Variants in FRMD4A observed in about 807,000 individuals in gnomAD.
The protein encoded by FRMD4A is FERM domain-containing protein 4A.
A neutral mutation model predicts 129.1 loss-of-function variants in FRMD4A; 29 were observed. That is an observed-to-expected ratio of 0.22 (90% CI 0.17 to 0.31). The LOEUF is 0.31. Ranked by LOEUF, FRMD4A falls within the 10% of genes least tolerant of loss-of-function variation. The pLI, the probability that FRMD4A is intolerant of heterozygous loss-of-function variation, is 1.00. For synonymous variants in FRMD4A, 634 were observed against 571.6 expected, an observed-to-expected ratio of 1.11 and a Z score of -1.56; for missense variants, 1,272 against 1,375.8, an observed-to-expected ratio of 0.92 and a Z score of 1.19.
intron 15 of FRMD4A, chr10:13,675,885 A>G (rs1460528101): frequency 1.3e-5 from 2 of 152,092 alleles, no homozygotes; most frequent in African/African-American, 4.8e-5. Flanking sequence ...TTTTCTAAGT[A>G]CATATATTTA....
At chr10:14,043,209 T>C (rs1232614161) in intron 2 of FRMD4A, among the ~76,000 whole-genome samples, 1 of 152,198 alleles carries the variant, frequency 6.6e-6, no homozygotes, top group Admixed American at 6.5e-5. Flanking sequence ...CATTTAACAT[T>C]AAAGTTGCTG....
intron 2 of FRMD4A, among the ~76,000 whole-genome samples, chr10:13,865,504 G>C (rs917527332): frequency 2.7e-5 from 4 of 146,554 alleles, no homozygotes; most frequent in Non-Finnish European, 3.0e-5. Context: ...AGGCTGGAGT[G>C]CGTTGGTGCT....
At chr10:13,807,988 G>A (rs1214617016) in intron 4 of FRMD4A, among the ~76,000 whole-genome samples, 2 of 151,884 alleles carry the variant, frequency 1.3e-5, no homozygotes, top group Middle Eastern at 3.2e-3. Flanking sequence ...TAGTAGAGAC[G>A]GGGTTTCACC....
rs148650568 is a variant in FRMD4A at position 14,076,088 on chromosome 10, G to T, written c.46-217176C>A. Among the ~76,000 whole-genome samples, 450 of 152,216 alleles carry T rather than the reference G, an allele frequency of 3.0e-3. 2 individuals are homozygous for T. Among genetic ancestry groups the T allele is most frequent in the Non-Finnish European group, 4.2e-3 (286 of 68,010 alleles). On this transcript the variant is annotated intron_variant, in intron 2 of 24. Transcript: ENST00000357447. ...CTCACCTGGGCCTCTGAATAACCGG[G>T]TTTCATTACTACAAGGCTGGCTCAC...
intron 2 of FRMD4A, among the ~76,000 whole-genome samples, chr10:14,067,709 C>T (rs190468884): frequency 1.2e-4 from 19 of 152,222 alleles, no homozygotes; most frequent in Admixed American, 1.2e-3. Flanking sequence ...CCCAGCTACT[C>T]GGGAGGCTGA....
At chr10:14,270,726 A>T (rs1027898919) in intron 2 of FRMD4A, among the ~76,000 whole-genome samples, 5 of 152,236 alleles carry the variant, frequency 3.3e-5, no homozygotes, top group Non-Finnish European at 7.3e-5. Flanking sequence ...GTGAAACAAC[A>T]TAAAACAGAA....
intron 2 of FRMD4A, among the ~76,000 whole-genome samples, chr10:14,193,687 TAA>T (rs11431301): frequency 7.0e-6 from 1 of 143,396 alleles, no homozygotes. Flanking sequence ...GTCTACAAAT[TAA>T]AAAAAAAAAA....
At chr10:13,975,137 G>C (rs957822716) in intron 2 of FRMD4A, among the ~76,000 whole-genome samples, 1 of 151,648 alleles carries the variant, frequency 6.6e-6, no homozygotes, top group African/African-American at 2.4e-5. Context: ...GTATGTACCT[G>C]TGTGTGTGTG....
At position 14,085,748 on chromosome 10, in the gene FRMD4A, C is replaced by T. The variant is rs536647987; in HGVS notation, c.46-226836G>A. Among the ~76,000 whole-genome samples, 52 of 152,290 alleles carry T rather than the reference C, an allele frequency of 3.4e-4. 1 individual carries two copies. Among genetic ancestry groups the T allele is most frequent in the South Asian group, 2.9e-3 (14 of 4,824 alleles). On this transcript the variant is annotated intron_variant, in intron 2 of 24. Coordinates refer to ENST00000357447, the MANE Select transcript of FRMD4A (RefSeq NM_018027.5). Reference sequence around the variant, plus strand: ...CCTCTCTGTGAAACTGGTGGAGTCACGATTTTGGGGCTGGACCATCTGCCT... The same window carrying T: ...CCTCTCTGTGAAACTGGTGGAGTCATGATTTTGGGGCTGGACCATCTGCCT...
At chr10:14,065,340 T>C (rs1448990612) in intron 2 of FRMD4A, among the ~76,000 whole-genome samples, 1 of 152,100 alleles carries the variant, frequency 6.6e-6, no homozygotes, top group African/African-American at 2.4e-5. Context: ...TTCGCCACCA[T>C]ACCTGGATAA....
intron 2 of FRMD4A, among the ~76,000 whole-genome samples, chr10:14,044,106 G>A (rs72776636): frequency 0.012 from 1,901 of 152,314 alleles, 21 homozygotes; most frequent in East Asian, 0.045. Flanking sequence ...TGGGATTACA[G>A]GTATGAACCA....
rs1284600753 is a variant in FRMD4A, at chr10:13,644,486, ATGTTT to A, written c.*2547_*2551del. 1 of 152,192 alleles carries A rather than the reference ATGTTT, an allele frequency of 6.6e-6. No homozygotes were observed. The highest frequency in any genetic ancestry group is 1.5e-5 in the Non-Finnish European group (1 of 68,036). The allele number at this position is 152,192 out of a possible 1,614,324, so 9.4% of individuals were successfully genotyped here. A position where few individuals can be genotyped will look rare whatever the true frequency, so the allele number is the denominator to read the frequency against. ...CTGTCTTGACTACCAGACTATCATG[ATGTTT>A]GTTGGAACTGTAATTCCTGCTCTCC... is the stretch of plus-strand genomic sequence containing the variant. On this transcript the variant is annotated 3_prime_UTR_variant, in exon 25 of 25. Transcript: ENST00000357447.
intron 6 of FRMD4A, among the ~76,000 whole-genome samples, chr10:13,773,448 A>G (rs2092514079): frequency 1.3e-5 from 2 of 152,148 alleles, no homozygotes; most frequent in South Asian, 2.1e-4. Context: ...CCTAACCTCA[A>G]TCAAGGAACT....
chr10:13,733,093 G>A (rs1054955478), intron 12 of FRMD4A, among the ~76,000 whole-genome samples: 4 of 152,232 alleles, frequency 2.6e-5, no homozygotes, highest in African/African-American at 9.6e-5. Context: ...CAGACTTTTG[G>A]CTTAGGTGCG....
At chr10:14,186,990 C>T (rs1487090370) in intron 2 of FRMD4A, among the ~76,000 whole-genome samples, 4 of 151,050 alleles carry the variant, frequency 2.6e-5, no homozygotes, top group Admixed American at 1.3e-4. Flanking sequence ...TCAGGTGTGG[C>T]GGTGCACATT....
intron 2 of FRMD4A, chr10:13,866,244 C>A: frequency 1.1e-6 from 1 of 937,862 alleles, no homozygotes; most frequent in South Asian, 4.9e-5. Context: ...AAAGCCAAGG[C>A]CCTACCAGTG....
intron 4 of FRMD4A, among the ~76,000 whole-genome samples, chr10:13,808,590 T>A (rs2093396066): frequency 6.6e-6 from 1 of 152,196 alleles, no homozygotes; most frequent in Non-Finnish European, 1.5e-5. Context: ...GCCCTGGCAT[T>A]GTACCGCCAG....
chr10:13,824,510 A>C (rs2093673128), intron 3 of FRMD4A, among the ~76,000 whole-genome samples: 1 of 151,604 alleles, frequency 6.6e-6, no homozygotes, highest in South Asian at 2.1e-4. Context: ...ATAATAAATA[A>C]ATAAAGATAA....
chr10:14,329,801 C>T (rs922986279), intron 2 of FRMD4A, among the ~76,000 whole-genome samples: 3 of 152,188 alleles, frequency 2.0e-5, no homozygotes, highest in Admixed American at 1.3e-4. Context: ...GGGCTCTTAG[C>T]ACCTGTTTGC....
Sources: allele counts gnomAD v4.1 joint callset (sites outside exome capture counted in the v4.1 genomes callset), GRCh38; gene constraint gnomAD v4.1.1; transcripts MANE v1.5; gene names NCBI Gene and HGNC (gene_info 2026-07-23, HGNC 2026-07-21).